The following CLPB variants were observed in gnomAD, a reference collection of about 807,000 sequenced individuals.
CLPB encodes the protein mitochondrial disaggregase.
A neutral mutation model predicts 78.4 loss-of-function variants in CLPB; 40 were observed. The ratio of observed to expected loss-of-function variants is 0.51; its 90% CI spans 0.40 to 0.66. The LOEUF (loss-of-function observed/expected upper bound fraction) is 0.66. Among genes scored for constraint, CLPB ranks in the 30% least tolerant of loss-of-function variants. CLPB has a pLI of 0.00. For synonymous variants in CLPB, 333 were observed against 348.0 expected, an observed-to-expected ratio of 0.96 and a Z score of 0.48; for missense variants, 780 against 886.9, an observed-to-expected ratio of 0.88 and a Z score of 1.53.
chr11:72,414,719 T>G (rs927674108), intron 2 of CLPB, among the ~76,000 whole-genome samples: 8 of 152,140 alleles, frequency 5.3e-5, no homozygotes, highest in African/African-American at 1.9e-4. Flanking sequence ...CACAAATAAG[T>G]GCACTAAGTA....
Position 72,287,282 on chromosome 11 carries a change from T to C in CLPB, c.*6085A>G, listed in dbSNP as rs1237975145. On this transcript the variant is annotated 3_prime_UTR_variant, in exon 16 of 16. Coordinates refer to ENST00000538039, the MANE Select transcript of CLPB (RefSeq NM_001258392.3). The stretch of plus-strand genomic sequence containing the variant: ...TACTTGTGATTTGTACAATTTCCCA[T>C]ATATTTTTCAATTAAAAAGTTTAAT... 1 of 152,228 alleles carries C rather than the reference T, an allele frequency of 6.6e-6. No homozygotes were observed. Among genetic ancestry groups the C allele is most frequent in the Non-Finnish European group, 1.5e-5 (1 of 68,046 alleles). The allele number at this position is 152,228 out of a possible 1,614,324, so 9.4% of individuals were successfully genotyped here. A position where few individuals can be genotyped will look rare whatever the true frequency, so the allele number is the denominator to read the frequency against.
chr11:72,286,710 T>TCTCCAGACCA lies in CLPB; in HGVS notation c.*6656_*6657insTGGTCTGGAG, dbSNP rs1444638156. 2 of 152,152 alleles carry TCTCCAGACCA rather than the reference T, an allele frequency of 1.3e-5. No homozygotes were observed. Among genetic ancestry groups the TCTCCAGACCA allele is most frequent in the Non-Finnish European group, 2.9e-5 (2 of 68,036 alleles). The allele number at this position is 152,152 out of a possible 1,614,324, so 9.4% of individuals were successfully genotyped here. ...GCTGGTCTCGAACTCCAGACCTAGG[T>TCTCCAGACCA]GATCCACCTGCCTGGGCCTCCCAAA... is the stretch of plus-strand genomic sequence containing the variant. On this transcript the variant is annotated 3_prime_UTR_variant, in exon 16 of 16. Transcript: ENST00000538039.
At chr11:72,429,872 T>C (rs1252903096) in intron 2 of CLPB, among the ~76,000 whole-genome samples, 1 of 152,254 alleles carries the variant, frequency 6.6e-6, no homozygotes, top group Non-Finnish European at 1.5e-5. Context: ...CAGGCAGGCA[T>C]TTCTAGCCCC....
chr11:72,431,116 C>A (rs1185199972), intron 1 of CLPB, among the ~76,000 whole-genome samples: 1 of 152,230 alleles, frequency 6.6e-6, no homozygotes, highest in African/African-American at 2.4e-5. Flanking sequence ...GCAACGCTAG[C>A]TAAGTGCGTC....
In CLPB at chr11:72,352,227, G is replaced by A. The variant is rs1251299079; in HGVS notation, c.775+6653C>T. Among the ~76,000 whole-genome samples, 3 of 152,294 alleles carry A rather than the reference G, an allele frequency of 2.0e-5. No homozygotes were observed. The East Asian group carries it at 5.8e-4, about 29-fold the overall frequency. ...AGCCCATTGTACATTATTCCATTGT[G>A]TGACCATCCCACAATTTATTCATCC... On this transcript the variant is annotated intron_variant, in intron 5 of 15. Transcript: ENST00000538039.
At chr11:72,302,447 AC>A in intron 9 of CLPB, 99 bp from the exon 10 acceptor site, 1 of 972,938 alleles carries the variant, frequency 1.0e-6, no homozygotes, top group Non-Finnish European at 1.7e-6. Context: ...AGGCTTTCAC[AC>A]CACACCAACA....
chr11:72,378,407 A>C (rs1854787067), intron 4 of CLPB, among the ~76,000 whole-genome samples: 3 of 152,256 alleles, frequency 2.0e-5, no homozygotes, highest in African/African-American at 2.4e-5. Flanking sequence ...CACTTCTTAC[A>C]TGGCAGTGGC....
chr11:72,377,220 G>T (rs1429833850), intron 4 of CLPB, among the ~76,000 whole-genome samples: 1 of 152,202 alleles, frequency 6.6e-6, no homozygotes, highest in Non-Finnish European at 1.5e-5. Context: ...TTACACCTGA[G>T]AATGCTGAAT....
chr11:72,389,466 G>A (rs1939145535), intron 3 of CLPB, among the ~76,000 whole-genome samples: 1 of 152,144 alleles, frequency 6.6e-6, no homozygotes, highest in African/African-American at 2.4e-5. Flanking sequence ...TTGAGTAGCT[G>A]GTACCACATG....
intron 3 of CLPB, among the ~76,000 whole-genome samples, chr11:72,391,998 G>C (rs1055679778): frequency 1.4e-4 from 21 of 152,096 alleles, no homozygotes; most frequent in African/African-American, 4.1e-4. Context: ...GGCCAGAGGG[G>C]GTTGGGGTGC....
rs879182296 is a variant in CLPB at position 72,307,318 on chromosome 11, A to G, written c.1067-64T>C. ...GGTGACTAACCGCTGGAATGAAAGA[A>G]TACTAGAAATGCACGGACACTAGAA... On this transcript the variant is annotated intron_variant, in intron 8 of 15. Transcript: ENST00000538039. The G allele has an allele frequency of 9.1e-6, 12 of 1,316,162 alleles. No homozygotes were observed. The South Asian group carries it at 1.3e-4, about 14-fold the overall frequency. The allele number at this position is 1,316,162 out of a possible 1,614,324, so 81.5% of individuals were successfully genotyped here.
At chr11:72,388,947 G>A (rs557866791) in intron 3 of CLPB, among the ~76,000 whole-genome samples, 1 of 152,278 alleles carries the variant, frequency 6.6e-6, no homozygotes, top group Non-Finnish European at 1.5e-5. Context: ...ACCAGGGAGT[G>A]CCAAGAAGTT....
chr11:72,328,292 A>G (rs1950164218), intron 6 of CLPB, among the ~76,000 whole-genome samples: 1 of 152,188 alleles, frequency 6.6e-6, no homozygotes, highest in African/African-American at 2.4e-5. Context: ...CCACAACCAC[A>G]AGGAACATGC....
chr11:72,298,822 C>A (rs1199288032), intron 11 of CLPB, among the ~76,000 whole-genome samples: 1 of 152,160 alleles, frequency 6.6e-6, no homozygotes, highest in Non-Finnish European at 1.5e-5. Flanking sequence ...ACTTCTCTGG[C>A]GAGTCTGTCT....
chr11:72,354,249 C>A (rs1157310072), intron 5 of CLPB: 1 of 393,634 alleles, frequency 2.5e-6, no homozygotes, highest in Non-Finnish European at 4.5e-6. Flanking sequence ...TAGTGATTTT[C>A]TCAATGCTTC....
At chr11:72,396,904 G>T (rs7952726) in intron 3 of CLPB, among the ~76,000 whole-genome samples, 152,362 of 152,362 alleles carry the variant, frequency 1, 76,181 homozygotes, top group Non-Finnish European at 1. Context: ...TTTAAAAAGT[G>T]TTTAAAGTCA....
At chr11:72,383,157 G>A (rs1353294560) in intron 3 of CLPB, among the ~76,000 whole-genome samples, 4 of 151,360 alleles carry the variant, frequency 2.6e-5, no homozygotes, top group Non-Finnish European at 1.5e-5. Context: ...TTGAAAATAG[G>A]AAGGCCAATG....
intron 5 of CLPB, among the ~76,000 whole-genome samples, chr11:72,346,245 G>C (rs1168446156): frequency 6.6e-6 from 1 of 152,092 alleles, no homozygotes; most frequent in Non-Finnish European, 1.5e-5. Context: ...AACATAGCTA[G>C]ATGCTGTTTC....
chr11:72,297,322 A>G (rs1469632729), intron 11 of CLPB, among the ~76,000 whole-genome samples: 1 of 152,234 alleles, frequency 6.6e-6, no homozygotes, highest in East Asian at 1.9e-4. Flanking sequence ...CCTTAGGAGC[A>G]AAGGAGAAAG....
Sources: allele counts gnomAD v4.1 joint callset (sites outside exome capture counted in the v4.1 genomes callset), GRCh38; gene constraint gnomAD v4.1.1; transcripts MANE v1.5; gene names NCBI Gene and HGNC (gene_info 2026-07-23, HGNC 2026-07-21).